Variants in UBQLN4 observed in about 807,000 individuals in gnomAD.
UBQLN4 encodes the protein ubiquilin-4.
Under a neutral mutation model 60.4 loss-of-function variants are expected in UBQLN4, and 11 were observed. The observed-to-expected ratio is 0.18, with a 90% CI of 0.11 to 0.30. UBQLN4 has a LOEUF of 0.30. Ranked by LOEUF, UBQLN4 falls within the 10% of genes least tolerant of loss-of-function variation. The pLI, the probability that UBQLN4 is intolerant of heterozygous loss-of-function variation, is 1.00. For synonymous variants in UBQLN4, 258 were observed against 313.1 expected, an observed-to-expected ratio of 0.82 and a Z score of 1.86; for missense variants, 417 against 795.5, an observed-to-expected ratio of 0.52 and a Z score of 5.72.
chr1:156,050,833 G>A lies in UBQLN4; in HGVS notation c.478+277C>T. Among the ~76,000 whole-genome samples, 1 of 152,060 alleles carries A rather than the reference G, an allele frequency of 6.6e-6. No individual in the cohort carries two copies. Among genetic ancestry groups the A allele is most frequent in the East Asian group, 1.9e-4 (1 of 5,198 alleles). Reference sequence around the variant, plus strand: ...TACTGCTGGATCCAACTTTTCCCCAGACTCACAGGGTCTTCCATTCCCTTT... The same window carrying A: ...TACTGCTGGATCCAACTTTTCCCCAAACTCACAGGGTCTTCCATTCCCTTT... On this transcript the variant is annotated intron_variant, in intron 3 of 10. Transcript: ENST00000368309. The surrounding 1 kb of genome is among the most constrained non-coding windows in gnomAD (Gnocchi z 4.6).
chr1:156,045,477 T>A (rs938247145), intron 5 of UBQLN4, among the ~76,000 whole-genome samples: 5 of 152,230 alleles, frequency 3.3e-5, no homozygotes, highest in African/African-American at 4.8e-5. Context: ...ATAACAACCA[T>A]CATTTATTGA....
intron 6 of UBQLN4, among the ~76,000 whole-genome samples, 159 bp from the exon 7 acceptor site, chr1:156,043,072 C>G (rs1414191361): frequency 1.5e-4 from 23 of 152,198 alleles, no homozygotes; most frequent in Admixed American, 1.5e-3. Flanking sequence ...GAGTCCAAGT[C>G]TCTCCCAAGT....
intron 1 of UBQLN4, 151 bp from the exon 2 acceptor site, chr1:156,052,008 G>A: frequency 3.3e-6 from 3 of 896,620 alleles, no homozygotes; most frequent in Non-Finnish European, 3.3e-6. Flanking sequence ...TCCTCCAGCT[G>A]CAATAAGCAT....
chr1:156,033,119 C>T, downstream of UBQLN4: 1 of 789,474 alleles, frequency 1.3e-6, no homozygotes, highest in Non-Finnish European at 1.5e-6. Context: ...CATGTTTTTG[C>T]CAATACTTAT....
Position 156,051,123 on chromosome 1 carries a change from A to T in UBQLN4, c.465T>A (p.Thr155=). ...CTGAGGGCTTACAGAGTATGGACGC[A>T]GTAGCACTGGGGGATCCCTCCCCAG... ...PGAGEGSPSA[T]ASILSGFGGI... is the part of the protein sequence containing the mutation. Residue 155 remains threonine, a synonymous_variant, in exon 3 of 11, where the codon ACT becomes ACA. Coordinates refer to ENST00000368309, the MANE Select transcript of UBQLN4 (RefSeq NM_020131.5). The T allele has an allele frequency of 6.2e-7, 1 of 1,613,526 alleles. No homozygotes were observed. Among genetic ancestry groups the T allele is most frequent in the South Asian group, 1.1e-5 (1 of 90,964 alleles).
At chr1:156,045,188 A>G (rs926294093) in intron 5 of UBQLN4, among the ~76,000 whole-genome samples, 1 of 152,096 alleles carries the variant, frequency 6.6e-6, no homozygotes, top group Admixed American at 6.6e-5. Flanking sequence ...AGGGTTTCAT[A>G]TTGAGCTGCT....
At chr1:156,052,444 A>G (rs1353898022) in intron 1 of UBQLN4, among the ~76,000 whole-genome samples, 4 of 152,168 alleles carry the variant, frequency 2.6e-5, no homozygotes, top group African/African-American at 9.7e-5. Flanking sequence ...CTCCTGCTTC[A>G]GCCTCCCGAG....
intron 10 of UBQLN4, among the ~76,000 whole-genome samples, chr1:156,038,782 C>T (rs1683470089): frequency 6.6e-6 from 1 of 150,496 alleles, no homozygotes; most frequent in African/African-American, 2.4e-5. Flanking sequence ...GCTGGGATTA[C>T]AGGCATGAGC....
rs1484531069 is a variant in UBQLN4 at position 156,036,144 on chromosome 1, C to T, written c.*834G>A. 3 of 985,476 alleles carry T rather than the reference C, an allele frequency of 3.0e-6. No individual in the cohort carries two copies. Among genetic ancestry groups the T allele is most frequent in the Non-Finnish European group, 3.6e-6 (3 of 829,966 alleles). 61.0% of individuals were successfully genotyped at this position (985,476 alleles called of 1,614,324 possible). A position where few individuals can be genotyped will look rare whatever the true frequency, so the allele number is the denominator to read the frequency against. The stretch of plus-strand genomic sequence containing the variant: ...CTTTTTTCAGTTTAAATTCCATTAG[C>T]ATCTCTAAGTCTCTTCTGCCAGCTC... On this transcript the variant is annotated 3_prime_UTR_variant, in exon 11 of 11. Transcript: ENST00000368309.
At chr1:156,032,671 A>G (rs1558082391), downstream of UBQLN4, among the ~76,000 whole-genome samples, 1 of 152,054 alleles carries the variant, frequency 6.6e-6, no homozygotes, top group Non-Finnish European at 1.5e-5. Context: ...CTCAGTTCTC[A>G]CAGAGAGATG....
At chr1:156,051,369 G>A in intron 2 of UBQLN4, 42 bp from the exon 3 acceptor site, 2 of 1,542,014 alleles carry the variant, frequency 1.3e-6, no homozygotes, top group South Asian at 1.2e-5. Flanking sequence ...GTGAGCACTA[G>A]AAGAGGGAAG....
Position 156,048,744 on chromosome 1 carries a change from C to A in UBQLN4, c.742-85G>T. On this transcript the variant is annotated intron_variant, in intron 4 of 10. Transcript: ENST00000368309. This position sits in a 1 kb window ranked among gnomAD's most constrained non-coding sequence, Gnocchi z 4.9. ...AGGGTGGGCCTTGAGGAAGGGGGGT[C>A]TGTATCAGGATCAGGACCAGGGCCC... 1 of 1,479,346 alleles carries A rather than the reference C, an allele frequency of 6.8e-7. No individual in the cohort carries two copies. Among genetic ancestry groups the A allele is most frequent in the Non-Finnish European group, 9.2e-7 (1 of 1,084,908 alleles). The allele number at this position is 1,479,346 out of a possible 1,614,324, so 91.6% of individuals were successfully genotyped here. A position where few individuals can be genotyped will look rare whatever the true frequency, so the allele number is the denominator to read the frequency against.
At chr1:156,042,336 A>C in intron 7 of UBQLN4, 100 bp from the exon 8 acceptor site, 1 of 1,458,894 alleles carries the variant, frequency 6.9e-7, no homozygotes, top group Non-Finnish European at 9.0e-7. Flanking sequence ...ACTGCAGGAA[A>C]TCTGGCCAGC....
intron 1 of UBQLN4, 22 bp downstream of exon 1, chr1:156,053,572 C>T: frequency 7.8e-7 from 1 of 1,281,704 alleles, no homozygotes; most frequent in East Asian, 2.9e-5. Context: ...GCGCTCCCCC[C>T]GCCCCCCGCC....
chr1:156,044,760 C>G (rs955237981), intron 5 of UBQLN4, among the ~76,000 whole-genome samples: 3 of 152,078 alleles, frequency 2.0e-5, no homozygotes, highest in Non-Finnish European at 4.4e-5. Context: ...ACCTTTCCCT[C>G]ACTCCCCAGG....
chr1:156,044,115 G>A lies in UBQLN4; in HGVS notation c.1009C>T (p.Pro337Ser), dbSNP rs773919483. The change falls in exon 6 of 11, where the codon CCC becomes TCC. Residue 337 changes from proline to serine, a missense_variant. Pro to Ser is a moderately conservative substitution (Grantham distance 74). Transcript: ENST00000368309. ...GACCCGGGGGCCTGGGAGGTGGGGG[G>A]CGAGGGGCTCCAGGGGTTAGGGAGG... is the stretch of plus-strand genomic sequence containing the variant. ...EPLPNPWSPSPPTSQAPGSGG... is the reference protein window; with the variant it reads ...EPLPNPWSPSSPTSQAPGSGG... 5.7e-6 allele frequency: 9 copies of A among 1,587,616 alleles called. No individual in the cohort carries two copies. The highest frequency in any genetic ancestry group is 6.9e-6 in the Non-Finnish European group (8 of 1,167,266).
intron 5 of UBQLN4, among the ~76,000 whole-genome samples, chr1:156,044,478 G>C (rs1683649166): frequency 6.6e-6 from 1 of 152,050 alleles, no homozygotes; most frequent in African/African-American, 2.4e-5. Flanking sequence ...CATCCCCCCG[G>C]TGGCTTTCAA....
downstream of UBQLN4, chr1:156,035,199 A>G (rs1181836448): frequency 7.4e-6 from 7 of 950,470 alleles, no homozygotes; most frequent in Non-Finnish European, 8.8e-6. Flanking sequence ...GTAGTAACTG[A>G]ACCAAACTTC....
intron 4 of UBQLN4, among the ~76,000 whole-genome samples, chr1:156,049,369 C>T (rs1683800522): frequency 6.6e-6 from 1 of 152,226 alleles, no homozygotes; most frequent in Non-Finnish European, 1.5e-5. Flanking sequence ...TTGAGAAACA[C>T]TGAAGATGGG....
Sources: gnomAD v4.1 joint callset for allele counts (sites outside exome capture counted in the v4.1 genomes callset) on GRCh38, gnomAD v4.1.1 for gene constraint, Gnocchi (gnomAD v3.1) non-coding constraint, MANE v1.5 for transcripts, NCBI Gene and HGNC (gene_info 2026-07-23, HGNC 2026-07-21) for gene names.